GRIN2A: variants seen among roughly 807,000 people sequenced by gnomAD.
GRIN2A encodes the protein glutamate ionotropic receptor NMDA type subunit 2A.
A neutral mutation model predicts 113.4 loss-of-function variants in GRIN2A; 22 were observed. The ratio of observed to expected loss-of-function variants is 0.19; its 90% CI spans 0.14 to 0.28. The LOEUF (loss-of-function observed/expected upper bound fraction) is 0.28. Ranked by LOEUF, GRIN2A falls within the 10% of genes least tolerant of loss-of-function variation. GRIN2A has a pLI of 1.00. For synonymous variants in GRIN2A, 827 were observed against 738.4 expected (o/e 1.12, Z -1.94); for missense variants, 1,502 against 1,887.0 (o/e 0.80, Z 3.78).
rs74008828 is a variant in GRIN2A at position 9,818,482 on chromosome 16, A to T, written c.2168+3782T>A. ...ATATATTTCACTACAAAAAAGATAAAATCTGCATGGAAAAAAAAAAGCAAG... is the reference window on the plus strand; with the variant it reads ...ATATATTTCACTACAAAAAAGATAATATCTGCATGGAAAAAAAAAAGCAAG... On this transcript the variant is annotated intron_variant, in intron 10 of 12. Transcript: ENST00000330684. Among the ~76,000 whole-genome samples, 761 of 152,262 alleles carry T rather than the reference A, an allele frequency of 5.0e-3. 8 individuals carry two copies. Among genetic ancestry groups the T allele is most frequent in the African/African-American group, 0.017 (720 of 41,566 alleles).
rs1293969874 is a variant in GRIN2A, at chr16:9,755,421, T to A, written c.*7728A>T. ...GATCTCCAAATAACAAATAATAATC[T>A]TTCTGTCTTAAAAGGCTTTTTACTG... On this transcript the variant is annotated 3_prime_UTR_variant, in exon 13 of 13. Transcript: ENST00000330684. The A allele has an allele frequency of 1.1e-5, 2 of 184,338 alleles. No individual in the cohort carries two copies. Among genetic ancestry groups the A allele is most frequent in the African/African-American group, 4.7e-5 (2 of 42,560 alleles). The allele number at this position is 184,338 out of a possible 1,614,324, so 11.4% of individuals were successfully genotyped here. A position where few individuals can be genotyped will look rare whatever the true frequency, so the allele number is the denominator to read the frequency against.
intron 2 of GRIN2A, among the ~76,000 whole-genome samples, chr16:10,047,707 A>T (rs1006468525): frequency 6.6e-6 from 1 of 152,214 alleles, no homozygotes; most frequent in African/African-American, 2.4e-5. Context: ...GCCAGCATGC[A>T]TGGTGGGTCA....
At chr16:10,099,104 A>G (rs966516996) in intron 2 of GRIN2A, among the ~76,000 whole-genome samples, 2 of 152,194 alleles carry the variant, frequency 1.3e-5, no homozygotes, top group African/African-American at 4.8e-5. Flanking sequence ...CAGCAAAGAA[A>G]TTTCTAACAT....
rs28489500 is a variant in GRIN2A, at chr16:9,768,284, C to A, written c.2595+567G>T. On this transcript the variant is annotated intron_variant, in intron 12 of 12. Transcript: ENST00000330684. ...AGCCAGGATGGTCTCGATCTCCTGA[C>A]CTCGTGATCCGCCCGCCTGGGCCTC... Among the ~76,000 whole-genome samples, 792 of 152,250 alleles carry A rather than the reference C, an allele frequency of 5.2e-3. 6 individuals carry two copies. Among genetic ancestry groups the A allele is most frequent in the African/African-American group, 0.018 (753 of 41,540 alleles).
At chr16:10,156,984 G>C (rs943668812) in intron 2 of GRIN2A, among the ~76,000 whole-genome samples, 2 of 152,168 alleles carry the variant, frequency 1.3e-5, no homozygotes, top group Admixed American at 1.3e-4. Flanking sequence ...GTGGTGATGG[G>C]GGGCAGACTG....
chr16:9,824,891 ATC>A (rs1491546411), intron 9 of GRIN2A, among the ~76,000 whole-genome samples: 1 of 152,160 alleles, frequency 6.6e-6, no homozygotes, highest in Non-Finnish European at 1.5e-5. Flanking sequence ...AGGATGGCTC[ATC>A]TATTAAGTCC....
chr16:10,178,828 T>G (rs928134333), intron 2 of GRIN2A, among the ~76,000 whole-genome samples: 3 of 152,190 alleles, frequency 2.0e-5, no homozygotes, highest in Admixed American at 6.5e-5. Flanking sequence ...CTACAGTGAA[T>G]GTCTGCTCAC....
intron 10 of GRIN2A, among the ~76,000 whole-genome samples, chr16:9,818,477 G>C (rs1055400257): frequency 6.7e-6 from 1 of 148,714 alleles, no homozygotes; most frequent in African/African-American, 2.5e-5. Flanking sequence ...CTACAAAAAA[G>C]ATAAAATCTG....
intron 4 of GRIN2A, among the ~76,000 whole-genome samples, chr16:9,856,152 T>C (rs1188385018): frequency 1.3e-5 from 2 of 152,148 alleles, no homozygotes; most frequent in Non-Finnish European, 2.9e-5. Flanking sequence ...ATTATCCTCA[T>C]TGCATGATGA....
intron 2 of GRIN2A, among the ~76,000 whole-genome samples, chr16:10,046,281 C>A (rs770135304): frequency 2.6e-5 from 4 of 151,944 alleles, no homozygotes; most frequent in Non-Finnish European, 5.9e-5. Flanking sequence ...CTTATCACCA[C>A]CCTGAGGATG....
At chr16:10,070,827 A>C (rs1267302634) in intron 2 of GRIN2A, among the ~76,000 whole-genome samples, 1 of 152,236 alleles carries the variant, frequency 6.6e-6, no homozygotes, top group Non-Finnish European at 1.5e-5. Context: ...CTTATAGAGA[A>C]GACATGTTCC....
intron 2 of GRIN2A, chr16:10,027,838 C>T (rs1801577420): frequency 6.5e-6 from 1 of 152,908 alleles, no homozygotes; most frequent in African/African-American, 2.4e-5. Context: ...CCTGCGTGCT[C>T]CTCCTCTCTC....
chr16:9,757,785 T>C lies in GRIN2A; in HGVS notation c.*5364A>G, dbSNP rs1900415695. On this transcript the variant is annotated 3_prime_UTR_variant, in exon 13 of 13. Transcript: ENST00000330684. ...GGTCTCTGAGAAAAGTTTTCTCTTC[T>C]AGGAACTTTAAGACAGGGATTGTGA... The C allele has an allele frequency of 4.5e-6, 1 of 220,698 alleles. No homozygotes were observed. The highest frequency in any genetic ancestry group is 9.1e-6 in the Non-Finnish European group (1 of 109,998). 13.7% of individuals were successfully genotyped at this position (220,698 alleles called of 1,614,324 possible).
chr16:9,772,077 C>T (rs1217535679), intron 11 of GRIN2A, among the ~76,000 whole-genome samples: 2 of 152,116 alleles, frequency 1.3e-5, no homozygotes, highest in Non-Finnish European at 2.9e-5. Flanking sequence ...CAGTTCCTCA[C>T]CCACAAAAAT....
chr16:10,055,046 T>TAAAAAAAAAAAAAAAAAAAAAAAAAAAAA (rs1567266287), intron 2 of GRIN2A, among the ~76,000 whole-genome samples: 3 of 12,490 alleles, frequency 2.4e-4, no homozygotes, highest in African/African-American at 3.2e-4. Context: ...AGACTCTATC[T>TAAAAAAAAAAAAAAAAAAAAAAAAAAAAA]CAAAAAAAAA....
chr16:9,910,971 T>C (rs1396536650), intron 3 of GRIN2A, among the ~76,000 whole-genome samples: 1 of 151,966 alleles, frequency 6.6e-6, no homozygotes, highest in Non-Finnish European at 1.5e-5. Flanking sequence ...ACAACCAGTA[T>C]CATTGGTGTA....
intron 2 of GRIN2A, among the ~76,000 whole-genome samples, chr16:9,949,067 A>C (rs1260323945): frequency 6.6e-6 from 1 of 152,126 alleles, no homozygotes; most frequent in African/African-American, 2.4e-5. Flanking sequence ...TCACTGAGGA[A>C]ATAGGAAACA....
chr16:10,117,294 G>A (rs1291182404), intron 2 of GRIN2A, among the ~76,000 whole-genome samples: 3 of 152,074 alleles, frequency 2.0e-5, no homozygotes, highest in Non-Finnish European at 4.4e-5. Flanking sequence ...TTTTCCCCCA[G>A]GAGCTCTTAT....
chr16:9,804,827 A>G (rs1274176425), intron 10 of GRIN2A, among the ~76,000 whole-genome samples: 1 of 152,146 alleles, frequency 6.6e-6, no homozygotes, highest in African/African-American at 2.4e-5. Context: ...TACCTTCTCC[A>G]TCACCGGCAG....
Sources: allele counts gnomAD v4.1 joint callset (sites outside exome capture counted in the v4.1 genomes callset), GRCh38; gene constraint gnomAD v4.1.1; transcripts MANE v1.5; gene names NCBI Gene and HGNC (gene_info 2026-07-23, HGNC 2026-07-21).